The following SMCHD1 variants were observed in gnomAD, a reference collection of about 807,000 sequenced individuals.
SMCHD1 encodes the protein structural maintenance of chromosomes flexible hinge domain containing 1, also known as structural maintenance of chromosomes flexible hinge domain-containing protein 1.
In SMCHD1, 78 loss-of-function variants were observed where a neutral mutation model predicts 254.7. That is an observed-to-expected ratio of 0.31 (90% confidence interval 0.26 to 0.37). The LOEUF (loss-of-function observed/expected upper bound fraction) is 0.37, where lower values mean the gene tolerates loss of function less well. SMCHD1 is among the 10% of genes least tolerant of loss of function. The pLI is 1.00. For synonymous variants in SMCHD1, 766 were observed against 794.9 expected (o/e 0.96, Z 0.61); for missense variants, 1,840 against 2,408.1 (o/e 0.76, Z 4.94).
chr18:2,656,688 C>A (rs2073070977), intron 1 of SMCHD1, among the ~76,000 whole-genome samples: 1 of 152,182 alleles, frequency 6.6e-6, no homozygotes, highest in Non-Finnish European at 1.5e-5. Context: ...AGTGTTGCGA[C>A]GGTGGGAAGT....
In SMCHD1 at chr18:2,802,517, C is replaced by T. The variant is rs868009520; in HGVS notation, c.5994-11C>T. Reference sequence around the variant, plus strand: ...GTACATAAAACTTTTTTTTCTTTCCCCTTTGACCAGGATTATAACCAAAAC... The same window carrying T: ...GTACATAAAACTTTTTTTTCTTTCCTCTTTGACCAGGATTATAACCAAAAC... On this transcript the variant is annotated splice_polypyrimidine_tract_variant and intron_variant, in intron 47 of 47. Coordinates refer to ENST00000320876, the MANE Select transcript of SMCHD1 (RefSeq NM_015295.3). 2 of 1,545,498 alleles carry T rather than the reference C, an allele frequency of 1.3e-6. No homozygotes were observed. Among genetic ancestry groups the T allele is most frequent in the Non-Finnish European group, 1.7e-6 (2 of 1,144,220 alleles).
Position 2,673,326 on chromosome 18 carries a change from C to T in SMCHD1, c.470C>T (p.Ser157Phe). The change falls in exon 4 of 48, where the codon TCT (serine) becomes TTT (phenylalanine). Residue 157 changes from serine to phenylalanine, a missense_variant. Physicochemically the swap from Ser to Phe is radical, Grantham distance 155 (BLOSUM62 -2). Coordinates refer to ENST00000320876, the MANE Select transcript of SMCHD1 (RefSeq NM_015295.3). Reference protein sequence around the residue: ...ELIDNSLSATSRNIGVRRIQI... With the variant: ...ELIDNSLSATFRNIGVRRIQI... ...ATTGACAATTCATTGTCTGCTACTT[C>T]TCGTAACATTGGGGTTAGAAGAATA... The T allele has an allele frequency of 6.3e-7, 1 of 1,584,482 alleles. No individual in the cohort carries two copies.
At chr18:2,668,452 G>C (rs961867669) in intron 3 of SMCHD1, among the ~76,000 whole-genome samples, 1 of 152,172 alleles carries the variant, frequency 6.6e-6, no homozygotes, top group Non-Finnish European at 1.5e-5. Context: ...AGAGATTTTA[G>C]GTGACTTGCT....
chr18:2,691,601 G>C (rs1568152325), intron 7 of SMCHD1: 1 of 152,196 alleles, frequency 6.6e-6, no homozygotes, highest in Non-Finnish European at 1.5e-5. Context: ...AATCATGCTA[G>C]CTTCAGTAAA....
In SMCHD1 at chr18:2,656,033, C is replaced by CCGG. The variant is rs756236634; in HGVS notation, c.-35_-33dup. The CCGG allele has an allele frequency of 7.7e-6, 10 of 1,305,568 alleles. No homozygotes were observed. The highest frequency in any genetic ancestry group is 8.8e-6 in the Non-Finnish European group (9 of 1,025,098). 80.9% of individuals were successfully genotyped at this position (1,305,568 alleles called of 1,614,324 possible). ...CGGAGCGCGCACCTCAGCCCTGAGCCCGGCGGCGGCAGGCGTCGCTGTCTT... is the reference window on the plus strand; with the variant it reads ...CGGAGCGCGCACCTCAGCCCTGAGCCCGGCGGCGGCGGCAGGCGTCGCTGTCTT... On this transcript the variant is annotated 5_prime_UTR_variant, in exon 1 of 48. Transcript: ENST00000320876.
chr18:2,708,001 A>C, intron 17 of SMCHD1, 81 bp downstream of exon 17: 1 of 859,110 alleles, frequency 1.2e-6, no homozygotes, highest in Non-Finnish European at 1.7e-6. Context: ...GTAATTATTG[A>C]TGACCTAGCA....
At chr18:2,784,942 T>G in intron 45 of SMCHD1, 1 of 358,890 alleles carries the variant, frequency 2.8e-6, no homozygotes. Context: ...CAAGACTCCA[T>G]CTCTTAAAAA....
intron 25 of SMCHD1, among the ~76,000 whole-genome samples, chr18:2,736,133 A>G (rs1314032378): frequency 6.6e-6 from 1 of 152,222 alleles, no homozygotes; most frequent in African/African-American, 2.4e-5. Context: ...ATCTTTGACA[A>G]AGGCGACAAT....
At chr18:2,775,649 G>T (rs1162895644) in intron 41 of SMCHD1, 85 bp from the exon 42 acceptor site, 3,276 of 999,082 alleles carry the variant, frequency 3.3e-3, no homozygotes, top group East Asian at 5.7e-3. Flanking sequence ...AGAAGTTTTT[G>T]TTACCTAGGC....
chr18:2,671,545 C>T (rs1343549007), intron 3 of SMCHD1, among the ~76,000 whole-genome samples: 1 of 149,000 alleles, frequency 6.7e-6, no homozygotes. Context: ...ACTTCTGGTT[C>T]TTTTTGACTC....
At chr18:2,761,899 T>C (rs1327507925) in intron 35 of SMCHD1, among the ~76,000 whole-genome samples, 4 of 152,232 alleles carry the variant, frequency 2.6e-5, no homozygotes, top group Non-Finnish European at 5.9e-5. Context: ...CTTAGATGGC[T>C]GTAAACATCC....
At position 2,694,520 on chromosome 18, in the gene SMCHD1, C is replaced by T; in HGVS notation, c.874-7C>T. The T allele has an allele frequency of 1.3e-6, 2 of 1,562,762 alleles. No homozygotes were observed. Among genetic ancestry groups the T allele is most frequent in the East Asian group, 2.3e-5 (1 of 43,332 alleles). On this transcript the variant is annotated splice_region_variant and splice_polypyrimidine_tract_variant and intron_variant, in intron 7 of 47. Coordinates refer to ENST00000320876, the MANE Select transcript of SMCHD1 (RefSeq NM_015295.3). ...TTAATCTGTTGTATTTCTGTTCACT[C>T]TTGTAGCCCTCTGATTCTGTTCACA...
At chr18:2,767,607 T>G (rs1424530342) in intron 37 of SMCHD1, among the ~76,000 whole-genome samples, 1 of 123,898 alleles carries the variant, frequency 8.1e-6, no homozygotes, top group Non-Finnish European at 1.8e-5. Context: ...TTTTTTTTTT[T>G]GAGACAGAGT....
chr18:2,704,474 G>A (rs1003937577), intron 13 of SMCHD1, among the ~76,000 whole-genome samples: 3 of 152,050 alleles, frequency 2.0e-5, no homozygotes, highest in African/African-American at 7.2e-5. Context: ...GATGTGCTTT[G>A]CTCTTGGTGA....
chr18:2,703,654 A>T, intron 12 of SMCHD1, 38 bp from the exon 13 acceptor site: 1 of 1,482,756 alleles, frequency 6.7e-7, no homozygotes, highest in South Asian at 1.2e-5. Flanking sequence ...TTTGTTTGCT[A>T]GTAGCTATAT....
At chr18:2,772,061 C>T (rs575898589) in intron 40 of SMCHD1, among the ~76,000 whole-genome samples, 189 bp from the exon 41 acceptor site, 53 of 151,658 alleles carry the variant, frequency 3.5e-4, no homozygotes, top group African/African-American at 1.2e-3. Flanking sequence ...TTACTATAAC[C>T]ATGGTTTTTA....
rs1035427749 is a variant in SMCHD1 at position 2,697,848 on chromosome 18, A to G, written c.1149A>G (p.Lys383=). Residue 383 remains lysine, a synonymous_variant, in exon 10 of 48, where the codon AAA becomes AAG. Transcript: ENST00000320876. ...NIDIEISMFE[K]GKVPKIVNLR... is the part of the protein sequence containing the mutation. ...TATTTTAGATTTCTATGTTTGAAAA[A>G]GGGAAGGTACCTAAGATTGTCAACC... is the stretch of plus-strand genomic sequence containing the variant. 2 of 1,607,706 alleles carry G rather than the reference A, an allele frequency of 1.2e-6. No individual in the cohort carries two copies. Among genetic ancestry groups the G allele is most frequent in the Non-Finnish European group, 1.7e-6 (2 of 1,176,160 alleles).
chr18:2,708,907 T>TATATATATATATATAAAA lies in SMCHD1; in HGVS notation c.2260+988_2260+989insTATATATATATATAAAAA, dbSNP rs769432583. 8.9e-4 allele frequency among the ~76,000 whole-genome samples: 40 copies of TATATATATATATATAAAA among 44,700 alleles called. 1 individual carries two copies. Among genetic ancestry groups the TATATATATATATATAAAA allele is most frequent in the East Asian group, 2.3e-3 (2 of 862 alleles). 29.3% of individuals were successfully genotyped at this position (44,700 alleles called of 152,430 possible). A position where few individuals can be genotyped will look rare whatever the true frequency, so the allele number is the denominator to read the frequency against. ...ATATATATATATATATATATATATA[T>TATATATATATATATAAAA]AACATATTAACATGAAATTTATGAA... On this transcript the variant is annotated intron_variant, in intron 17 of 47. Transcript: ENST00000320876.
intron 45 of SMCHD1, among the ~76,000 whole-genome samples, chr18:2,785,670 A>AAAAG (rs57180698): frequency 0.52 from 49,661 of 95,340 alleles, 17,856 homozygotes; most frequent in Non-Finnish European, 0.63. Context: ...AAAAAAAAAA[A>AAAAG]ACAGTTCATT....
Sources: gnomAD v4.1 joint callset for allele counts (sites outside exome capture counted in the v4.1 genomes callset) on GRCh38, gnomAD v4.1.1 for gene constraint, MANE v1.5 for transcripts, NCBI Gene and HGNC (gene_info 2026-07-23, HGNC 2026-07-21) for gene names.